DSCAML1: variants seen among roughly 807,000 people sequenced by gnomAD.
DSCAML1 encodes the protein DS cell adhesion molecule like 1, also known as cell adhesion molecule DSCAML1.
In DSCAML1, 38 loss-of-function variants were observed where a neutral mutation model predicts 200.5. That is an observed-to-expected ratio of 0.19 (90% CI 0.15 to 0.25). The LOEUF (loss-of-function observed/expected upper bound fraction) is 0.25, where lower values mean the gene tolerates loss of function less well. Among genes scored for constraint, DSCAML1 ranks in the 10% least tolerant of loss-of-function variants. The probability of loss-of-function intolerance (pLI) is 1.00; values close to 1 mark genes in which losing one functional copy is unlikely to be tolerated. For synonymous variants in DSCAML1, 1,215 were observed against 1,165.0 expected, an observed-to-expected ratio of 1.04 and a Z score of -0.87; for missense variants, 2,223 against 2,858.8, an observed-to-expected ratio of 0.78 and a Z score of 5.07.
chr11:117,490,047 C>T lies in DSCAML1; in HGVS notation c.2360-7885G>A, dbSNP rs183149439. On this transcript the variant is annotated intron_variant, in intron 11 of 32. Transcript: ENST00000651296. ...CTCAGGAAGCTGCCTTATAACCATG[C>T]GGAAACTCCAGATTTCCTTCTGCTC... Among the ~76,000 whole-genome samples, 15 of 152,270 alleles carry T rather than the reference C, an allele frequency of 9.9e-5. No individual in the cohort carries two copies. In the East Asian group the frequency reaches 1.9e-3, roughly 20 times the overall value.
At chr11:117,446,580 C>T (rs189899166) in intron 20 of DSCAML1, among the ~76,000 whole-genome samples, 29 of 152,042 alleles carry the variant, frequency 1.9e-4, no homozygotes, top group African/African-American at 6.5e-4. Flanking sequence ...AGCCAATAAA[C>T]ATATACAACC....
At chr11:117,522,123 C>A (rs981440589) in intron 5 of DSCAML1, among the ~76,000 whole-genome samples, 1 of 152,238 alleles carries the variant, frequency 6.6e-6, no homozygotes, top group South Asian at 2.1e-4. Flanking sequence ...TTTCTGCATA[C>A]CCTGGGCTGT....
chr11:117,745,979 C>T (rs755084063), intron 3 of DSCAML1, among the ~76,000 whole-genome samples: 7 of 151,666 alleles, frequency 4.6e-5, no homozygotes, highest in African/African-American at 7.3e-5. Context: ...CTTTGGGAGG[C>T]GGAGGCAGGT....
At chr11:117,477,198 G>GACACACACAC (rs60376380) in intron 14 of DSCAML1, among the ~76,000 whole-genome samples, 5,694 of 144,594 alleles carry the variant, frequency 0.039, 316 homozygotes, top group African/African-American at 0.12. Context: ...GCTGTCCTTA[G>GACACACACAC]ACACACACAC....
At chr11:117,547,806 C>T (rs182871989) in intron 3 of DSCAML1, among the ~76,000 whole-genome samples, 5 of 152,280 alleles carry the variant, frequency 3.3e-5, no homozygotes, top group African/African-American at 1.2e-4. Context: ...CTATTTTTCT[C>T]AGGATGAAGA....
upstream of DSCAML1, chr11:117,801,637 TTC>T (rs1347048109): frequency 3.9e-5 from 6 of 152,234 alleles, no homozygotes; most frequent in African/African-American, 1.4e-4. Flanking sequence ...TAAACCAAAA[TTC>T]TGTCTGCTGG....
intron 5 of DSCAML1, 105 bp from the exon 6 acceptor site, chr11:117,521,510 A>G (rs1019149608): frequency 3.2e-6 from 4 of 1,264,688 alleles, no homozygotes; most frequent in Admixed American, 2.2e-5. Flanking sequence ...GGGTCACAAA[A>G]GGCCCAGGTT....
At chr11:117,466,127 A>G (rs2048575227) in intron 16 of DSCAML1, among the ~76,000 whole-genome samples, 2 of 152,228 alleles carry the variant, frequency 1.3e-5, no homozygotes, top group Non-Finnish European at 2.9e-5. Context: ...ACAGGGATTC[A>G]GAGAGATACT....
Position 117,784,083 on chromosome 11 carries a change from C to T in DSCAML1, c.47-3273G>A, listed in dbSNP as rs117225841. On this transcript the variant is annotated intron_variant, in intron 1 of 32. Transcript: ENST00000651296. ...TGACTGGGATTGTCCAGCCACCTGT[C>T]AGGGCTGATGAAAAGGCAGATTTAT... Among the ~76,000 whole-genome samples the T allele has an allele frequency of 7.2e-3, 1,097 of 152,304 alleles. 12 individuals carry two copies. Among genetic ancestry groups the T allele is most frequent in the Middle Eastern group, 0.014 (4 of 294 alleles).
chr11:117,789,847 T>A (rs561126098), intron 1 of DSCAML1, among the ~76,000 whole-genome samples: 1 of 152,266 alleles, frequency 6.6e-6, no homozygotes, highest in Admixed American at 6.5e-5. Context: ...GTCAGAGCTG[T>A]GTGGCCAGGA....
chr11:117,539,779 A>G (rs1434969859), intron 3 of DSCAML1, among the ~76,000 whole-genome samples: 1 of 152,200 alleles, frequency 6.6e-6, no homozygotes, highest in Non-Finnish European at 1.5e-5. Flanking sequence ...TTATGGGTAT[A>G]TATCCAAAAG....
At chr11:117,550,753 A>C (rs2050454188) in intron 3 of DSCAML1, among the ~76,000 whole-genome samples, 1 of 151,890 alleles carries the variant, frequency 6.6e-6, no homozygotes, top group African/African-American at 2.4e-5. Context: ...GCAATTTCCC[A>C]CCTCTCACTC....
chr11:117,517,929 G>A (rs1441264709), intron 7 of DSCAML1, among the ~76,000 whole-genome samples: 1 of 152,200 alleles, frequency 6.6e-6, no homozygotes, highest in Admixed American at 6.5e-5. Flanking sequence ...ACTCTTGATG[G>A]TGTGAGCCTT....
intron 3 of DSCAML1, among the ~76,000 whole-genome samples, chr11:117,557,715 G>C (rs142034331): frequency 4.8e-4 from 73 of 152,332 alleles, no homozygotes; most frequent in African/African-American, 1.7e-3. Context: ...GCTGTGGGGT[G>C]ATCAGGAGGG....
intron 11 of DSCAML1, among the ~76,000 whole-genome samples, chr11:117,502,205 C>T (rs943629259): frequency 1.3e-5 from 2 of 152,186 alleles, no homozygotes; most frequent in African/African-American, 4.8e-5. Context: ...GGGGTCCCCT[C>T]ACACACAGCC....
intron 3 of DSCAML1, among the ~76,000 whole-genome samples, chr11:117,639,641 G>C (rs2052362349): frequency 1.3e-5 from 2 of 152,198 alleles, no homozygotes; most frequent in African/African-American, 4.8e-5. Flanking sequence ...AAGAGGAACT[G>C]AGGGGAGGAG....
chr11:117,476,389 C>T (rs1039317376), intron 14 of DSCAML1, among the ~76,000 whole-genome samples: 6 of 152,146 alleles, frequency 3.9e-5, no homozygotes, highest in Admixed American at 3.3e-4. Flanking sequence ...CTTTGAGACC[C>T]CCATGACAAT....
At chr11:117,464,108 C>T (rs1188014600) in intron 17 of DSCAML1, among the ~76,000 whole-genome samples, 2 of 152,104 alleles carry the variant, frequency 1.3e-5, no homozygotes, top group Admixed American at 6.5e-5. Flanking sequence ...TTCTGCCCTC[C>T]GGACTGTTGG....
intron 3 of DSCAML1, among the ~76,000 whole-genome samples, chr11:117,739,035 C>A (rs2054374740): frequency 6.6e-6 from 1 of 152,220 alleles, no homozygotes; most frequent in African/African-American, 2.4e-5. Flanking sequence ...AGGGTTTGAA[C>A]AACACTTGTA....
Sources: allele counts gnomAD v4.1 joint callset (sites outside exome capture counted in the v4.1 genomes callset), GRCh38; gene constraint gnomAD v4.1.1; transcripts MANE v1.5; gene names NCBI Gene and HGNC (gene_info 2026-07-23, HGNC 2026-07-21).